Variants in CPVL observed in about 807,000 individuals in gnomAD.
The protein encoded by CPVL is carboxypeptidase vitellogenic like, also known as probable serine carboxypeptidase CPVL.
Under a neutral mutation model 63.7 loss-of-function variants are expected in CPVL, and 51 were observed. That is an observed-to-expected ratio of 0.80 (90% CI 0.64 to 1.01). The LOEUF (loss-of-function observed/expected upper bound fraction) is 1.01, where lower values mean the gene tolerates loss of function less well. CPVL is among the 50% of genes least tolerant of loss of function. CPVL has a pLI of 0.00. For missense variants in CPVL, 530 were observed against 573.1 expected (o/e 0.92, Z 0.77); for synonymous variants, 195 against 206.0 (o/e 0.95, Z 0.46).
intron 2 of CPVL, among the ~76,000 whole-genome samples, chr7:29,116,632 G>A (rs1788801153): frequency 6.6e-6 from 1 of 152,182 alleles, no homozygotes; most frequent in South Asian, 2.1e-4. Flanking sequence ...AAACACTCAA[G>A]TTATCACCAG....
chr7:29,039,840 G>A (rs1788898796), intron 11 of CPVL, among the ~76,000 whole-genome samples: 2 of 152,154 alleles, frequency 1.3e-5, no homozygotes, highest in Non-Finnish European at 2.9e-5. Flanking sequence ...TTTTGTTGTT[G>A]CATTTTTAGA....
At chr7:29,001,484 G>A (rs1323506596) in intron 12 of CPVL, 1 of 152,170 alleles carries the variant, frequency 6.6e-6, no homozygotes, top group African/African-American at 2.4e-5. Context: ...AACGTAAATA[G>A]CATTCAAATA....
At chr7:29,097,013 T>C (rs62444061) in intron 3 of CPVL, among the ~76,000 whole-genome samples, 83,400 of 142,442 alleles carry the variant, frequency 0.59, 26,605 homozygotes, top group African/African-American at 0.86. Flanking sequence ...AAAAAAAGAA[T>C]GTGTCCATAG....
rs113063253 is a variant in CPVL at position 29,143,737 on chromosome 7, A to G, written c.-11+2692T>C. ...AAAAGGTAGGAGGTAAGTTCCAACT[A>G]TATTGGAAAGATAAGCTGCTAAGAA... On this transcript the variant is annotated intron_variant, in intron 1 of 12. Coordinates refer to ENST00000265394, the MANE Select transcript of CPVL (RefSeq NM_031311.5). Among the ~76,000 whole-genome samples, 847 of 152,320 alleles carry G rather than the reference A, an allele frequency of 5.6e-3. 5 individuals are homozygous for G. Among genetic ancestry groups the G allele is most frequent in the Middle Eastern group, 0.024 (7 of 294 alleles).
chr7:29,040,608 G>C (rs1443166091), intron 11 of CPVL, among the ~76,000 whole-genome samples: 1 of 152,124 alleles, frequency 6.6e-6, no homozygotes, highest in Non-Finnish European at 1.5e-5. Flanking sequence ...CTTAAAAAGA[G>C]ACATATTTTG....
At chr7:29,016,115 C>G (rs534628113) in intron 12 of CPVL, among the ~76,000 whole-genome samples, 2 of 152,070 alleles carry the variant, frequency 1.3e-5, no homozygotes. Flanking sequence ...CTTTGGGAGG[C>G]GAAGGCTGGT....
At chr7:29,122,479 T>C (rs2128643293) in intron 1 of CPVL, 1 of 152,378 alleles carries the variant, frequency 6.6e-6, no homozygotes, top group East Asian at 1.9e-4. Context: ...TTGATGTTGC[T>C]GGTTCTTGGT....
intron 9 of CPVL, among the ~76,000 whole-genome samples, chr7:29,069,824 G>A (rs1584166466): frequency 7.7e-6 from 1 of 129,620 alleles, no homozygotes; most frequent in Non-Finnish European, 1.7e-5. Flanking sequence ...GTGTGTGTGT[G>A]TGTGCATGTA....
At chr7:29,157,604 A>G (rs781157521) in intron 5 of CPVL, among the ~76,000 whole-genome samples, 1 of 152,302 alleles carries the variant, frequency 6.6e-6, no homozygotes, top group Non-Finnish European at 1.5e-5. Context: ...TATGATTTGC[A>G]TTTTGCTAAT....
intron 1 of CPVL, among the ~76,000 whole-genome samples, chr7:29,135,633 A>G (rs1042426000): frequency 6.6e-6 from 1 of 152,130 alleles, no homozygotes; most frequent in Non-Finnish European, 1.5e-5. Flanking sequence ...CGCCCAGCCT[A>G]TATCAATCAT....
intron 9 of CPVL, among the ~76,000 whole-genome samples, chr7:29,070,494 C>G (rs113861052): frequency 6.6e-6 from 1 of 152,288 alleles, no homozygotes; most frequent in Non-Finnish European, 1.5e-5. Context: ...TCCTTCGTCC[C>G]CTCTGTGACT....
At chr7:29,056,140 C>T (rs1790707236) in intron 11 of CPVL, among the ~76,000 whole-genome samples, 1 of 152,150 alleles carries the variant, frequency 6.6e-6, no homozygotes, top group Non-Finnish European at 1.5e-5. Context: ...TATCAATATC[C>T]CTCACCACAG....
chr7:29,096,427 T>C, intron 3 of CPVL: 1 of 570,396 alleles, frequency 1.8e-6, no homozygotes, highest in Non-Finnish European at 3.1e-6. Flanking sequence ...CATATGCTGG[T>C]GTCTTCTTAT....
intron 12 of CPVL, among the ~76,000 whole-genome samples, chr7:29,021,024 ATAAAT>A (rs1210656685): frequency 6.6e-6 from 1 of 152,082 alleles, no homozygotes; most frequent in Non-Finnish European, 1.5e-5. Flanking sequence ...AAAAATACAA[ATAAAT>A]TAGCCAGGTG....
chr7:29,149,784 T>G (rs1793336773), upstream of CPVL, among the ~76,000 whole-genome samples: 1 of 152,112 alleles, frequency 6.6e-6, no homozygotes, highest in Non-Finnish European at 1.5e-5. Flanking sequence ...AATCTCTGCT[T>G]CAGCCTTCCA....
At chr7:29,016,950 A>T (rs966498628) in intron 12 of CPVL, among the ~76,000 whole-genome samples, 3 of 152,188 alleles carry the variant, frequency 2.0e-5, no homozygotes, top group Non-Finnish European at 4.4e-5. Flanking sequence ...CTATTTCTAG[A>T]GTTTCCTCAC....
At chr7:29,138,355 A>G (rs1791462724) in intron 1 of CPVL, among the ~76,000 whole-genome samples, 1 of 152,198 alleles carries the variant, frequency 6.6e-6, no homozygotes, top group Non-Finnish European at 1.5e-5. Context: ...TGGGAGGATC[A>G]CTTGAACACC....
At chr7:29,055,404 C>T (rs368289446) in intron 11 of CPVL, among the ~76,000 whole-genome samples, 13 of 152,248 alleles carry the variant, frequency 8.5e-5, no homozygotes, top group African/African-American at 3.1e-4. Context: ...CGCCCGCCAC[C>T]ATACCTGGCT....
intron 5 of CPVL, among the ~76,000 whole-genome samples, chr7:29,151,885 C>T (rs1793644314): frequency 6.6e-6 from 1 of 152,212 alleles, no homozygotes; most frequent in Non-Finnish European, 1.5e-5. Flanking sequence ...TGGCCCATAG[C>T]AAGCAGGTCA....
Sources: allele counts gnomAD v4.1 joint callset (sites outside exome capture counted in the v4.1 genomes callset), GRCh38; gene constraint gnomAD v4.1.1; transcripts MANE v1.5; gene names NCBI Gene and HGNC (gene_info 2026-07-23, HGNC 2026-07-21).